Variants in GALNT13 observed in about 807,000 individuals in gnomAD.
The protein encoded by GALNT13 is UDP-GalNAc:polypeptide N-acetylgalactosaminyltransferase 13.
A neutral mutation model predicts 64.2 loss-of-function variants in GALNT13; 28 were observed. The observed-to-expected ratio is 0.44, with a 90% CI of 0.32 to 0.60. The LOEUF is 0.60. GALNT13 is among the 20% of genes least tolerant of loss of function. The probability of loss-of-function intolerance (pLI) is 0.05; values close to 1 mark genes in which losing one functional copy is unlikely to be tolerated. For synonymous variants in GALNT13, 214 were observed against 224.6 expected (o/e 0.95, Z 0.42); for missense variants, 577 against 669.8 (o/e 0.86, Z 1.53).
At chr2:153,336,383 G>T in the GALNT13 span, among the ~76,000 whole-genome samples, 1 of 152,232 alleles carries the variant, frequency 6.6e-6, no homozygotes, top group South Asian at 2.1e-4. Context: ...AAAGCCACAG[G>T]GACGTAGCTG....
chr2:154,410,601 T>G (rs920246601), intron 11 of GALNT13, among the ~76,000 whole-genome samples: 2 of 151,924 alleles, frequency 1.3e-5, no homozygotes, highest in African/African-American at 4.8e-5. Flanking sequence ...GGTAAAAATG[T>G]GTTACTTGGA....
At chr2:153,533,543 C>T in the GALNT13 span, among the ~76,000 whole-genome samples, 34 of 151,724 alleles carry the variant, frequency 2.2e-4, no homozygotes, top group African/African-American at 8.2e-4. Flanking sequence ...AGCCACTATG[C>T]CTGGCCTGCT....
rs1696729544 is a variant in GALNT13 at position 154,356,037 on chromosome 2, A to G, written c.1157-39954A>G. ...CAAACACCTCGATTTGATTTAATTTAGGTCTGATATTGCTAAGCCTCTACT... is the reference window on the plus strand; with the variant it reads ...CAAACACCTCGATTTGATTTAATTTGGGTCTGATATTGCTAAGCCTCTACT... On this transcript the variant is annotated intron_variant, in intron 9 of 12. Transcript: ENST00000392825. 2.0e-5 allele frequency among the ~76,000 whole-genome samples: 3 copies of G among 152,014 alleles called. No individual in the cohort carries two copies. The South Asian group carries it at 6.2e-4, about 31-fold the overall frequency.
chr2:153,534,343 G>A, the GALNT13 span, among the ~76,000 whole-genome samples: 1,579 of 151,930 alleles, frequency 0.01, 29 homozygotes, highest in African/African-American at 0.036. Context: ...CTATGATTAG[G>A]TCTCAGTTTT....
chr2:153,726,347 C>A, the GALNT13 span, among the ~76,000 whole-genome samples: 1 of 151,874 alleles, frequency 6.6e-6, no homozygotes, highest in Non-Finnish European at 1.5e-5. Flanking sequence ...AAAAAAAATG[C>A]AAGTTTTTTT....
chr2:153,261,702 C>G, the GALNT13 span, among the ~76,000 whole-genome samples: 13 of 152,044 alleles, frequency 8.6e-5, no homozygotes, highest in African/African-American at 3.1e-4. Flanking sequence ...TATGTTCACT[C>G]AAGGCCCAAG....
the GALNT13 span, among the ~76,000 whole-genome samples, chr2:153,858,251 C>T: frequency 6.6e-6 from 1 of 152,030 alleles, no homozygotes. Context: ...AAGTAGGCCC[C>T]AATGATTTGA....
intron 8 of GALNT13, among the ~76,000 whole-genome samples, chr2:154,298,714 T>A: frequency 9.1e-6 from 1 of 110,046 alleles, no homozygotes; most frequent in South Asian, 2.7e-4. Flanking sequence ...ACAATTTATA[T>A]ATAAATTATA....
chr2:153,223,847 A>G, the GALNT13 span, among the ~76,000 whole-genome samples: 2 of 152,010 alleles, frequency 1.3e-5, no homozygotes, highest in African/African-American at 2.4e-5. Flanking sequence ...GCACCTGCCT[A>G]TAATCCCAGC....
the GALNT13 span, among the ~76,000 whole-genome samples, chr2:153,463,122 GA>G: frequency 1.3e-5 from 2 of 152,064 alleles, no homozygotes; most frequent in Admixed American, 1.3e-4. Context: ...CAGGTAAAGG[GA>G]AAGATGAGTG....
the GALNT13 span, among the ~76,000 whole-genome samples, chr2:153,180,665 C>T: frequency 5.3e-5 from 8 of 151,958 alleles, no homozygotes; most frequent in Admixed American, 5.2e-4. Context: ...TTGCTTTCAG[C>T]AAGACTTTTT....
chr2:154,028,183 C>A (rs1040524746), intron 3 of GALNT13, among the ~76,000 whole-genome samples: 5 of 152,088 alleles, frequency 3.3e-5, no homozygotes, highest in Admixed American at 2.0e-4. Flanking sequence ...AAATAATATT[C>A]TTTTTATTTT....
the GALNT13 span, among the ~76,000 whole-genome samples, chr2:153,447,227 A>ATTTTG: frequency 2.0e-5 from 3 of 152,182 alleles, no homozygotes; most frequent in African/African-American, 7.2e-5. Flanking sequence ...CTCAACAAAT[A>ATTTTG]TTGTAATAAT....
the GALNT13 span, among the ~76,000 whole-genome samples, chr2:153,739,376 G>A: frequency 7.6e-3 from 1,151 of 151,016 alleles, 10 homozygotes; most frequent in African/African-American, 0.026. Context: ...TTTAGATTCC[G>A]TAAAAAATGG....
At chr2:154,188,523 T>C (rs117497729) in intron 4 of GALNT13, among the ~76,000 whole-genome samples, 1 of 152,162 alleles carries the variant, frequency 6.6e-6, no homozygotes, top group Non-Finnish European at 1.5e-5. Context: ...AAAGATGCTA[T>C]GATTGTGAGC....
chr2:153,160,179 C>T, the GALNT13 span, among the ~76,000 whole-genome samples: 1 of 152,030 alleles, frequency 6.6e-6, no homozygotes, highest in African/African-American at 2.4e-5. Context: ...GGGATTTGGG[C>T]CAGATTTACA....
chr2:153,338,161 C>T, the GALNT13 span, among the ~76,000 whole-genome samples: 4 of 151,996 alleles, frequency 2.6e-5, no homozygotes, highest in Non-Finnish European at 5.9e-5. Flanking sequence ...GTCATGGTGG[C>T]AAACAGTGGT....
At chr2:154,008,369 C>T (rs1342332696) in intron 3 of GALNT13, among the ~76,000 whole-genome samples, 2 of 152,074 alleles carry the variant, frequency 1.3e-5, no homozygotes, top group East Asian at 1.9e-4. Context: ...ATCTGACCTT[C>T]GTATATTACC....
At chr2:154,126,641 AC>A in intron 3 of GALNT13, among the ~76,000 whole-genome samples, 1 of 126,762 alleles carries the variant, frequency 7.9e-6, no homozygotes, top group Non-Finnish European at 1.7e-5. Flanking sequence ...TCTCAAAAAA[AC>A]AAAAAAAAAA....
Sources: gnomAD v4.1 joint callset for allele counts (sites outside exome capture counted in the v4.1 genomes callset) on GRCh38, gnomAD v4.1.1 for gene constraint, MANE v1.5 for transcripts, NCBI Gene and HGNC (gene_info 2026-07-23, HGNC 2026-07-21) for gene names.